The following ATF6B variants were observed in gnomAD, a reference collection of about 807,000 sequenced individuals.
ATF6B encodes the protein activating transcription factor 6 beta.
In ATF6B, 50 loss-of-function variants were observed where a neutral mutation model predicts 83.5. The ratio of observed to expected loss-of-function variants is 0.60; its 90% confidence interval spans 0.48 to 0.76. The LOEUF is 0.76. Ranked by LOEUF, ATF6B falls within the 30% of genes least tolerant of loss-of-function variation. ATF6B has a pLI of 0.00. For missense variants in ATF6B, 790 were observed against 893.8 expected (o/e 0.88, Z 1.48); for synonymous variants, 344 against 362.8 (o/e 0.95, Z 0.59).
Position 32,116,698 on chromosome 6 carries a change from ACT to A in ATF6B, c.1797+4_1797+5del. 2 of 1,612,892 alleles carry A rather than the reference ACT, an allele frequency of 1.2e-6. No homozygotes were observed. The highest frequency in any genetic ancestry group is 1.7e-6 in the Non-Finnish European group (2 of 1,178,940). On this transcript the variant is annotated splice_donor_5th_base_variant and intron_variant, in intron 16 of 17. Coordinates refer to ENST00000375203, the MANE Select transcript of ATF6B (RefSeq NM_004381.5). This position sits in a 1 kb window ranked among gnomAD's most constrained non-coding sequence, Gnocchi z 5.1. ...TGACAGAGATGGAAGGGCAGGAGAA[ACT>A]CACCCTTCGGAAAGAGACAACATAA...
intron 4 of ATF6B, 32 bp from the exon 5 acceptor site, chr6:32,126,284 G>C: frequency 6.2e-7 from 1 of 1,607,178 alleles, no homozygotes. Flanking sequence ...GCAGGGGGCA[G>C]AAAGAAGGGC....
chr6:32,118,383 A>T lies in ATF6B; in HGVS notation c.1245-345T>A, dbSNP rs1781615024. Among the ~76,000 whole-genome samples, 1 of 152,208 alleles carries T rather than the reference A, an allele frequency of 6.6e-6. No homozygotes were observed. The highest frequency in any genetic ancestry group is 1.5e-5 in the Non-Finnish European group (1 of 68,024). On this transcript the variant is annotated intron_variant, in intron 11 of 17. Coordinates refer to ENST00000375203, the MANE Select transcript of ATF6B (RefSeq NM_004381.5). This position sits in a 1 kb window ranked among gnomAD's most constrained non-coding sequence, Gnocchi z 5.2. Reference sequence around the variant, plus strand: ...TGAGGTGGGCAGACTGCCTGAGCTCAGGAGTTCGAGACCAGCCTGGGCAAC... The same window carrying T: ...TGAGGTGGGCAGACTGCCTGAGCTCTGGAGTTCGAGACCAGCCTGGGCAAC...
chr6:32,117,272 C>T lies in ATF6B; in HGVS notation c.1614+51G>A. On this transcript the variant is annotated intron_variant, in intron 14 of 17. Transcript: ENST00000375203. The surrounding 1 kb of genome is among the most constrained non-coding windows in gnomAD (Gnocchi z 5.0). The stretch of plus-strand genomic sequence containing the variant: ...CCCACTAGAAATCCCCAGACAAGGC[C>T]TTTAGCCCTTGTCTTCAAGTGGCCT... The T allele has an allele frequency of 6.3e-7, 1 of 1,595,226 alleles. No homozygotes were observed. The highest frequency in any genetic ancestry group is 8.6e-7 in the Non-Finnish European group (1 of 1,167,316).
chr6:32,117,030 C>A lies in ATF6B; in HGVS notation c.1685+7G>T. ...CTTAATAAGTAAGCACCCCACCCCA[C>A]ACTCACCTTTCTGGGGGTCCAGGGG... On this transcript the variant is annotated splice_region_variant and intron_variant, in intron 15 of 17. Transcript: ENST00000375203. The surrounding 1 kb of genome is among the most constrained non-coding windows in gnomAD (Gnocchi z 5.0). The A allele has an allele frequency of 1.2e-6, 2 of 1,613,718 alleles. No individual in the cohort carries two copies. Among genetic ancestry groups the A allele is most frequent in the Non-Finnish European group, 1.7e-6 (2 of 1,179,704 alleles).
chr6:32,120,710 C>G, intron 8 of ATF6B, 61 bp downstream of exon 8: 1 of 1,573,252 alleles, frequency 6.4e-7, no homozygotes, highest in Admixed American at 1.8e-5. Context: ...CTCAGCCTCC[C>G]AAAGTGCTGG....
chr6:32,121,156 A>G lies in ATF6B; in HGVS notation c.565-32T>C, dbSNP rs376480883. The G allele has an allele frequency of 4.0e-5, 64 of 1,607,746 alleles. No individual in the cohort carries two copies. In the African/African-American group the frequency reaches 7.4e-4, roughly 18 times the overall value. On this transcript the variant is annotated intron_variant, in intron 6 of 17. Transcript: ENST00000375203. ...GGGGCATTCCAGAGATACATTAGTC[A>G]GGAAGAGTGTCGAGGAGAAGGAGCT...
rs1215527733 is a variant in ATF6B, at chr6:32,117,671, C to T, written c.1448G>A (p.Gly483Asp). Reference protein sequence around the residue: ...SFSNLTAFPGGAKELLLRDLD... With the variant: ...SFSNLTAFPGDAKELLLRDLD... ...GTCTCTTAGTAGTAGCTCCTTGGCG[C>T]CCCCAGGGAAGGCTGTCAGGTTGCT... The change falls in exon 13 of 18, where the codon GGC becomes GAC. Residue 483 changes from glycine to aspartate, a missense_variant. Transcript: ENST00000375203. The surrounding 1 kb of genome is among the most constrained non-coding windows in gnomAD (Gnocchi z 5.0). 2.5e-6 allele frequency: 4 copies of T among 1,613,924 alleles called. No homozygotes were observed. Among genetic ancestry groups the T allele is most frequent in the African/African-American group, 1.3e-5 (1 of 74,890 alleles).
In ATF6B at chr6:32,116,562, G is replaced by A; in HGVS notation, c.1800C>T (p.Asp600=). 6.3e-7 allele frequency: 1 copy of A among 1,598,086 alleles called. No individual in the cohort carries two copies. Among genetic ancestry groups the A allele is most frequent in the Non-Finnish European group, 8.5e-7 (1 of 1,170,632 alleles). The stretch of plus-strand genomic sequence containing the variant: ...GGCTGATGGCTGGGAGCAGCAGGTG[G>A]TCCTGGGGAACAGATGGGCCAGGCC... The part of the protein sequence containing the change: ...DTFYVVSFRR[D]HLLLPAISHN... Residue 600 remains aspartate (D), a splice_region_variant and synonymous_variant, in exon 17 of 18, where the codon GAC becomes GAT. Transcript: ENST00000375203. This position sits in a 1 kb window ranked among gnomAD's most constrained non-coding sequence, Gnocchi z 5.1.
intron 1 of ATF6B, 102 bp downstream of exon 1, chr6:32,128,015 C>A: frequency 7.1e-7 from 1 of 1,404,086 alleles, no homozygotes; most frequent in Non-Finnish European, 9.9e-7. Context: ...CTTCAGATGG[C>A]GGATTCCGTA....
At chr6:32,126,278 G>A (rs568053161) in intron 4 of ATF6B, 26 bp from the exon 5 acceptor site, 5 of 1,609,774 alleles carry the variant, frequency 3.1e-6, no homozygotes, top group South Asian at 1.1e-5. Flanking sequence ...TGTGGGGCAG[G>A]GGGCAGAAAG....
chr6:32,123,269 A>G (rs572302074), intron 5 of ATF6B, among the ~76,000 whole-genome samples: 2 of 150,062 alleles, frequency 1.3e-5, no homozygotes, highest in Admixed American at 6.6e-5. Context: ...CTATTTAACC[A>G]TGATGTATTA....
At position 32,118,860 on chromosome 6, in the gene ATF6B, C is replaced by T. The variant is rs766254315; in HGVS notation, c.1159G>A (p.Glu387Lys). ...RLEALLAENSELKLGSGNRKV... is the reference protein window; with the variant it reads ...RLEALLAENSKLKLGSGNRKV... ...CTGTTTCCAGACCCTAACTTGAGCT[C>T]GCTGTTCTAAGGTACAAAGAAGGAG... The change falls in exon 11 of 18, where the codon GAG becomes AAG. Residue 387 changes from glutamate (E) to lysine (K), a missense_variant. Physicochemically the swap from Glu to Lys is moderately conservative, Grantham distance 56 (BLOSUM62 1). This residue lies in a region of ATF6B where 530 missense variants were observed against 632.6 expected (regional missense o/e 0.84). Transcript: ENST00000375203. The surrounding 1 kb of genome is among the most constrained non-coding windows in gnomAD (Gnocchi z 5.2). The T allele has an allele frequency of 1.2e-5, 20 of 1,614,074 alleles. 1 individual carries two copies. The South Asian group carries it at 2.0e-4, about 16-fold the overall frequency.
Position 32,119,896 on chromosome 6 carries a change from A to T in ATF6B, c.894T>A (p.Ser298=), listed in dbSNP as rs1312328116. The T allele has an allele frequency of 6.2e-7, 1 of 1,613,984 alleles. No individual in the cohort carries two copies. Among genetic ancestry groups the T allele is most frequent in the African/African-American group, 1.3e-5 (1 of 74,898 alleles). ...IRVQPEGPAP[S]LPRPERKSIV... ...TGCTCTTCCTCTCAGGCCGTGGTAG[A>T]GAGGGAGCCGGCCCTTCAGGCTGGA... Residue 298 remains serine, a synonymous_variant, in exon 9 of 18, where the codon TCT becomes TCA. Transcript: ENST00000375203. The surrounding 1 kb of genome is among the most constrained non-coding windows in gnomAD (Gnocchi z 4.9).
rs1781589706 is a variant in ATF6B, at chr6:32,117,779, T to C, written c.1424+80A>G. Reference sequence around the variant, plus strand: ...AAGGCGATGACGGCAAGAGAAAGCTTTGGGTCCCCCTCACTGAAAGCGGGG... The same window carrying C: ...AAGGCGATGACGGCAAGAGAAAGCTCTGGGTCCCCCTCACTGAAAGCGGGG... On this transcript the variant is annotated intron_variant, in intron 12 of 17. Coordinates refer to ENST00000375203, the MANE Select transcript of ATF6B (RefSeq NM_004381.5). The surrounding 1 kb of genome is among the most constrained non-coding windows in gnomAD (Gnocchi z 5.0). 3 of 1,577,406 alleles carry C rather than the reference T, an allele frequency of 1.9e-6. No homozygotes were observed. Among genetic ancestry groups the C allele is most frequent in the Non-Finnish European group, 2.6e-6 (3 of 1,160,728 alleles).
rs992505246 is a variant in ATF6B, at chr6:32,116,229, T to G, written c.1882+251A>C. On this transcript the variant is annotated intron_variant, in intron 17 of 17. Coordinates refer to ENST00000375203, the MANE Select transcript of ATF6B (RefSeq NM_004381.5). This position sits in a 1 kb window ranked among gnomAD's most constrained non-coding sequence, Gnocchi z 5.1. ...ATCAAGAGAAAAAAGTAAGTGAGAGTCTAGCAGGTTCCCGGCCCCCCGCCT... is the reference window on the plus strand; with the variant it reads ...ATCAAGAGAAAAAAGTAAGTGAGAGGCTAGCAGGTTCCCGGCCCCCCGCCT... 6.6e-6 allele frequency among the ~76,000 whole-genome samples: 1 copy of G among 151,204 alleles called. No homozygotes were observed. The highest frequency in any genetic ancestry group is 6.6e-5 in the Admixed American group (1 of 15,218).
rs118134117 is a variant in ATF6B, at chr6:32,117,822, C to A, written c.1424+37G>T. 4,334 of 1,555,350 alleles carry A rather than the reference C, an allele frequency of 2.8e-3. 130 individuals are homozygous for A. The East Asian group carries it at 0.073, about 26-fold the overall frequency. ...AAGCGGGGAGAAGACCAACTCATAC[C>A]CTCAAACGAGAGGGGGCCCTCTCTC... On this transcript the variant is annotated intron_variant, in intron 12 of 17. Coordinates refer to ENST00000375203, the MANE Select transcript of ATF6B (RefSeq NM_004381.5). The surrounding 1 kb of genome is among the most constrained non-coding windows in gnomAD (Gnocchi z 5.0).
intron 5 of ATF6B, among the ~76,000 whole-genome samples, chr6:32,121,704 A>C (rs1781775221): frequency 6.6e-6 from 1 of 152,142 alleles, no homozygotes; most frequent in African/African-American, 2.4e-5. Flanking sequence ...TCCATCTCAA[A>C]AAAATAAAAA....
chr6:32,127,552 T>C (rs1782035062), intron 2 of ATF6B, 32 bp from the exon 3 acceptor site: 5 of 1,608,072 alleles, frequency 3.1e-6, no homozygotes, highest in Non-Finnish European at 3.4e-6. Flanking sequence ...AGGGCAGGAG[T>C]GTGAGAAAGG....
In ATF6B at chr6:32,116,842, A is replaced by T. The variant is rs1326257665; in HGVS notation, c.1686-27T>A. ...TAGGCAGGTGGGGAAACAGGATTTG[A>T]GGGGAACTAAGCCCAATGCTCAGTT... On this transcript the variant is annotated intron_variant, in intron 15 of 17. Transcript: ENST00000375203. The surrounding 1 kb of genome is among the most constrained non-coding windows in gnomAD (Gnocchi z 5.1). 6 of 1,608,270 alleles carry T rather than the reference A, an allele frequency of 3.7e-6. No homozygotes were observed. Among genetic ancestry groups the T allele is most frequent in the Middle Eastern group, 1.7e-4 (1 of 6,056 alleles).
Sources: gnomAD v4.1 joint callset for allele counts (sites outside exome capture counted in the v4.1 genomes callset) on GRCh38, gnomAD v4.1.1 for gene constraint, gnomAD v4.1.1 regional missense constraint, Gnocchi (gnomAD v3.1) non-coding constraint, MANE v1.5 for transcripts, NCBI Gene and HGNC (gene_info 2026-07-23, HGNC 2026-07-21) for gene names.